USO1: variants seen among roughly 807,000 people sequenced by gnomAD.
USO1 encodes USO1 vesicle transport factor, also known as general vesicular transport factor p115.
In USO1, 57 loss-of-function variants were observed where a neutral mutation model predicts 124.5. The ratio of observed to expected loss-of-function variants is 0.46; its 90% confidence interval spans 0.37 to 0.57. The LOEUF is 0.57. Among genes scored for constraint, USO1 ranks in the 20% least tolerant of loss-of-function variants. The pLI is 0.00. For missense variants in USO1, 900 were observed against 1,040.6 expected (o/e 0.86, Z 1.86); for synonymous variants, 369 against 362.8 (o/e 1.02, Z -0.19).
intron 1 of USO1, among the ~76,000 whole-genome samples, chr4:75,745,760 C>G (rs187386388): frequency 6.8e-6 from 1 of 146,928 alleles, no homozygotes; most frequent in South Asian, 2.2e-4. Flanking sequence ...ATTAGCCGGA[C>G]GTAGTGGCAC....
At chr4:75,771,611 C>G (rs149655313) in intron 7 of USO1, among the ~76,000 whole-genome samples, 1 of 152,316 alleles carries the variant, frequency 6.6e-6, no homozygotes, top group East Asian at 1.9e-4. Flanking sequence ...GGAGATACCT[C>G]CAGACATTGA....
chr4:75,793,205 CTTTTTTTTTTT>C (rs67560505), intron 12 of USO1, among the ~76,000 whole-genome samples: 4 of 87,728 alleles, frequency 4.6e-5, no homozygotes, highest in African/African-American at 1.7e-4. Context: ...TCTCTCTCTC[CTTTTTTTTTTT>C]TTTTTTTTTT....
intron 4 of USO1, among the ~76,000 whole-genome samples, chr4:75,768,712 TA>T (rs1448215703): frequency 6.6e-6 from 1 of 152,240 alleles, no homozygotes; most frequent in Admixed American, 6.5e-5. Flanking sequence ...CTTCTGATCT[TA>T]AAGAGGAAAA....
chr4:75,772,163 G>A lies in USO1; in HGVS notation c.555+1026G>A, dbSNP rs1577951420. The stretch of plus-strand genomic sequence containing the variant: ...ATGGATACAGTTTTTAAAATTTGTT[G>A]TACTTAAAATTTTGTAATATGTATA... On this transcript the variant is annotated intron_variant, in intron 7 of 23. Coordinates refer to ENST00000514213, the MANE Select transcript of USO1 (RefSeq NM_003715.4). Among the ~76,000 whole-genome samples, 5 of 152,244 alleles carry A rather than the reference G, an allele frequency of 3.3e-5. No homozygotes were observed. In the East Asian group the frequency reaches 7.7e-4, roughly 23 times the overall value.
chr4:75,744,064 C>T (rs1339294316), intron 1 of USO1, among the ~76,000 whole-genome samples: 2 of 152,318 alleles, frequency 1.3e-5, no homozygotes, highest in East Asian at 3.9e-4. Flanking sequence ...GCATGAGCCA[C>T]TGTGCCTCGC....
intron 1 of USO1, among the ~76,000 whole-genome samples, chr4:75,742,953 A>G (rs764522571): frequency 1.4e-4 from 22 of 151,822 alleles, no homozygotes; most frequent in Non-Finnish European, 2.8e-4. Flanking sequence ...AGCCTGCTTC[A>G]GGATCCCATC....
chr4:75,748,899 G>A (rs1270551406), intron 1 of USO1, among the ~76,000 whole-genome samples: 1 of 151,968 alleles, frequency 6.6e-6, no homozygotes, highest in African/African-American at 2.4e-5. Context: ...TGAGAGTAAT[G>A]AGGTTCATGT....
At chr4:75,797,584 A>G (rs905154073) in intron 13 of USO1, among the ~76,000 whole-genome samples, 1 of 136,900 alleles carries the variant, frequency 7.3e-6, no homozygotes, top group Non-Finnish European at 1.6e-5. Context: ...AAAGCCTTTT[A>G]GTAATTTTTA....
chr4:75,772,823 GTGGTGGC>G (rs1432767588), intron 7 of USO1, among the ~76,000 whole-genome samples: 8 of 152,052 alleles, frequency 5.3e-5, no homozygotes, highest in Non-Finnish European at 1.2e-4. Context: ...TAGGCCAGGC[GTGGTGGC>G]TTATATCTGT....
In USO1 at chr4:75,729,174, T is replaced by C. The variant is rs547701856; in HGVS notation, c.66+4289T>C. Among the ~76,000 whole-genome samples the C allele has an allele frequency of 7.9e-5, 12 of 152,316 alleles. No individual in the cohort carries two copies. In the East Asian group the frequency reaches 1.9e-3, roughly 24 times the overall value. ...CTGGTGATTGAAGCCTCTTTAGCCT[T>C]GACACAGTTTGCTGGGTGCATATTA... On this transcript the variant is annotated intron_variant, in intron 1 of 23. Coordinates refer to ENST00000514213, the MANE Select transcript of USO1 (RefSeq NM_003715.4).
Position 75,787,076 on chromosome 4 carries a change from G to C in USO1, c.870G>C (p.Leu290Phe), listed in dbSNP as rs1722382415. ...LHLMLQLVRV[L>F]VSPTNPPGAT... Reference sequence around the variant, plus strand: ...TTCTTTCACAGCTTGTTCGTGTATTGGTATCTCCCACCAACCCTCCTGGTG... The same window carrying C: ...TTCTTTCACAGCTTGTTCGTGTATTCGTATCTCCCACCAACCCTCCTGGTG... Residue 290 changes from leucine (L) to phenylalanine (F), a missense_variant, in exon 10 of 24, where the codon TTG becomes TTC. Coordinates refer to ENST00000514213, the MANE Select transcript of USO1 (RefSeq NM_003715.4). 1 of 1,583,666 alleles carries C rather than the reference G, an allele frequency of 6.3e-7. No individual in the cohort carries two copies. The highest frequency in any genetic ancestry group is 8.5e-7 in the Non-Finnish European group (1 of 1,170,510).
intron 16 of USO1, 116 bp from the exon 17 acceptor site, chr4:75,800,963 T>C: frequency 7.2e-7 from 1 of 1,387,638 alleles, no homozygotes; most frequent in Non-Finnish European, 9.6e-7. Flanking sequence ...TCAGTAGGAT[T>C]GAAAAGATTA....
At chr4:75,738,496 G>C (rs1720860332) in intron 1 of USO1, among the ~76,000 whole-genome samples, 1 of 151,800 alleles carries the variant, frequency 6.6e-6, no homozygotes, top group African/African-American at 2.4e-5. Context: ...TGTTTGTTTT[G>C]AGACAGGATC....
At position 75,736,307 on chromosome 4, in the gene USO1, C is replaced by CTTTTT. The variant is rs775201813; in HGVS notation, c.66+11446_66+11450dup. On this transcript the variant is annotated intron_variant, in intron 1 of 23. Coordinates refer to ENST00000514213, the MANE Select transcript of USO1 (RefSeq NM_003715.4). ...CTGTTTATTGTGTTCTACAGCTTAC[C>CTTTTT]TTTTTTTTTTTTTTTTTTTTTTTTT... 1.1e-4 allele frequency among the ~76,000 whole-genome samples: 7 copies of CTTTTT among 63,276 alleles called. 1 individual carries two copies. The highest frequency in any genetic ancestry group is 1.0e-3 in the East Asian group (2 of 1,966). 41.5% of individuals were successfully genotyped at this position (63,276 alleles called of 152,430 possible).
chr4:75,812,467 T>A, intron 23 of USO1, 92 bp downstream of exon 23: 1 of 1,457,480 alleles, frequency 6.9e-7, no homozygotes, highest in Non-Finnish European at 9.1e-7. Context: ...AAGTTGTGCC[T>A]GTATTATAGG....
intron 8 of USO1, among the ~76,000 whole-genome samples, chr4:75,776,929 C>G (rs760034756): frequency 6.6e-6 from 1 of 152,104 alleles, no homozygotes; most frequent in Non-Finnish European, 1.5e-5. Context: ...TATTTATGTA[C>G]TAATCTTTGG....
In USO1 at chr4:75,812,390, T is replaced by C; in HGVS notation, c.2799+15T>C. ...TTGGTCATCCAGTAAGATTAAAATG[T>C]CTCCAAAAATGATTTGTATTATGTT... On this transcript the variant is annotated intron_variant, in intron 23 of 23. Coordinates refer to ENST00000514213, the MANE Select transcript of USO1 (RefSeq NM_003715.4). 1 of 1,548,226 alleles carries C rather than the reference T, an allele frequency of 6.5e-7. No homozygotes were observed. The highest frequency in any genetic ancestry group is 8.7e-7 in the Non-Finnish European group (1 of 1,150,638).
chr4:75,762,024 C>A (rs1185442609), intron 4 of USO1, among the ~76,000 whole-genome samples: 1 of 151,984 alleles, frequency 6.6e-6, no homozygotes, highest in Non-Finnish European at 1.5e-5. Context: ...TAAAATTTAT[C>A]TTTCATGTTT....
chr4:75,777,476 G>C (rs1044014687), intron 8 of USO1, among the ~76,000 whole-genome samples: 2 of 152,040 alleles, frequency 1.3e-5, no homozygotes, highest in Admixed American at 1.3e-4. Context: ...AATATATTTA[G>C]AACTCTTAAA....
Sources: gnomAD v4.1 joint callset for allele counts (sites outside exome capture counted in the v4.1 genomes callset) on GRCh38, gnomAD v4.1.1 for gene constraint, MANE v1.5 for transcripts, NCBI Gene and HGNC (gene_info 2026-07-23, HGNC 2026-07-21) for gene names.